The following PLCB1 variants were observed in gnomAD, a reference collection of about 807,000 sequenced individuals.
The protein encoded by PLCB1 is phospholipase C beta 1, also known as 1-phosphatidylinositol 4,5-bisphosphate phosphodiesterase beta-1.
PLCB1 carries 46 observed loss-of-function variants against 161.8 expected under a neutral mutation model. That is an observed-to-expected ratio of 0.28 (90% confidence interval 0.22 to 0.36). PLCB1 has a LOEUF of 0.36. Ranked by LOEUF, PLCB1 falls within the 10% of genes least tolerant of loss-of-function variation. PLCB1 has a pLI of 1.00. For synonymous variants in PLCB1, 517 were observed against 503.7 expected (o/e 1.03, Z -0.35); for missense variants, 1,016 against 1,472.5 (o/e 0.69, Z 5.07).
At chr20:8,678,917 G>T (rs1262749163) in intron 9 of PLCB1, among the ~76,000 whole-genome samples, 5 of 152,274 alleles carry the variant, frequency 3.3e-5, no homozygotes, top group African/African-American at 1.2e-4. Flanking sequence ...GATTGCATGG[G>T]CTGCAACTCC....
intron 3 of PLCB1, among the ~76,000 whole-genome samples, chr20:8,608,502 A>C (rs1045459508): frequency 6.6e-6 from 1 of 152,218 alleles, no homozygotes; most frequent in Non-Finnish European, 1.5e-5. Context: ...TTATCATGTA[A>C]CGTCCCATTC....
chr20:8,882,015 C>T lies in PLCB1; in HGVS notation c.*166C>T. 1 of 603,192 alleles carries T rather than the reference C, an allele frequency of 1.7e-6. No homozygotes were observed. The highest frequency in any genetic ancestry group is 2.9e-6 in the Non-Finnish European group (1 of 340,488). The allele number at this position is 603,192 out of a possible 1,614,324, so 37.4% of individuals were successfully genotyped here. A position where few individuals can be genotyped will look rare whatever the true frequency, so the allele number is the denominator to read the frequency against. On this transcript the variant is annotated 3_prime_UTR_variant, in exon 32 of 32. Transcript: ENST00000338037. ...AGGAATCCATGAAGAATTCCCATGC[C>T]CAGGCTCCATGTGTCATGTGGAAAC...
At chr20:8,841,194 AT>A (rs1489969753) in intron 31 of PLCB1, among the ~76,000 whole-genome samples, 2 of 152,300 alleles carry the variant, frequency 1.3e-5, no homozygotes, top group African/African-American at 4.8e-5. Context: ...TTTAAAAAAA[AT>A]AAGTCATCAC....
At chr20:8,411,948 A>T (rs1035694862) in intron 3 of PLCB1, among the ~76,000 whole-genome samples, 9 of 152,084 alleles carry the variant, frequency 5.9e-5, no homozygotes, top group Non-Finnish European at 1.2e-4. Flanking sequence ...GCTTGAGCCC[A>T]GGAGGCAGAG....
chr20:8,320,105 TC>T (rs1984843229), intron 2 of PLCB1, among the ~76,000 whole-genome samples: 4 of 152,100 alleles, frequency 2.6e-5, no homozygotes, highest in Admixed American at 2.6e-4. Context: ...TGCCTAGATA[TC>T]CCAGGATTTA....
chr20:8,547,238 A>C (rs6086493), intron 3 of PLCB1, among the ~76,000 whole-genome samples: 54,208 of 152,100 alleles, frequency 0.36, 9,868 homozygotes, highest in Middle Eastern at 0.4. Flanking sequence ...GGCTCGCTCT[A>C]ATGTTCACTG....
At chr20:8,797,721 G>T (rs1277830311) in intron 31 of PLCB1, among the ~76,000 whole-genome samples, 1 of 152,326 alleles carries the variant, frequency 6.6e-6, no homozygotes, top group East Asian at 1.9e-4. Context: ...GAAAGCCTCA[G>T]CTCTTGACTG....
intron 31 of PLCB1, among the ~76,000 whole-genome samples, chr20:8,810,180 C>T (rs1257980384): frequency 1.3e-5 from 2 of 152,118 alleles, no homozygotes; most frequent in East Asian, 1.9e-4. Context: ...AATGTAATAC[C>T]ATCTGGCAGA....
In PLCB1 at chr20:8,881,701, C is replaced by A. The variant is rs1447682419; in HGVS notation, c.3503C>A (p.Ala1168Asp). ...GAGATTTTGGAATTCGTGCAGGAAG[C>A]CATGAAAGGAAAGATCAGTGAAGAC... ...PLEILEFVQE[A>D]MKGKISEDSN... The change falls in exon 32 of 32, where the codon GCC becomes GAC. Residue 1168 changes from alanine (A) to aspartate (D), a missense_variant. Physicochemically the swap from Ala to Asp is moderately radical, Grantham distance 126. Coordinates refer to ENST00000338037, the MANE Select transcript of PLCB1 (RefSeq NM_015192.4). 18 of 1,613,876 alleles carry A rather than the reference C, an allele frequency of 1.1e-5. No homozygotes were observed. Among genetic ancestry groups the A allele is most frequent in the Non-Finnish European group, 1.4e-5 (17 of 1,179,960 alleles).
chr20:8,328,232 A>G (rs1985231617), intron 2 of PLCB1, among the ~76,000 whole-genome samples: 1 of 152,122 alleles, frequency 6.6e-6, no homozygotes, highest in Non-Finnish European at 1.5e-5. Context: ...CAACCTGTAC[A>G]TGATAACATG....
At chr20:8,462,766 C>A (rs189312855) in intron 3 of PLCB1, among the ~76,000 whole-genome samples, 2 of 148,288 alleles carry the variant, frequency 1.3e-5, no homozygotes, top group African/African-American at 5.0e-5. Flanking sequence ...GGCTGTCTCA[C>A]CACCTAAGCT....
chr20:8,449,481 C>G (rs896692692), intron 3 of PLCB1, among the ~76,000 whole-genome samples: 1 of 152,164 alleles, frequency 6.6e-6, no homozygotes, highest in Non-Finnish European at 1.5e-5. Flanking sequence ...ATCTGAAAGA[C>G]CGTTCAGCAG....
At position 8,727,328 on chromosome 20, in the gene PLCB1, A is replaced by G. The variant is rs774696079; in HGVS notation, c.1698A>G (p.Glu566=). Reference sequence around the variant, plus strand: ...ACTCAGAAAGAAATAAAAGTTTTGAAATGTCTTCCTTCGTGGAAACCAAAG... The same window carrying G: ...ACTCAGAAAGAAATAAAAGTTTTGAGATGTCTTCCTTCGTGGAAACCAAAG... ...EISKKRNKSF[E]MSSFVETKGL... Residue 566 remains glutamate (E), a synonymous_variant, in exon 17 of 32, where the codon GAA becomes GAG. Coordinates refer to ENST00000338037, the MANE Select transcript of PLCB1 (RefSeq NM_015192.4). The G allele has an allele frequency of 1.9e-6, 3 of 1,599,264 alleles. No individual in the cohort carries two copies. In the Admixed American group the frequency reaches 5.1e-5, roughly 27 times the overall value.
chr20:8,381,730 T>C (rs1987259568), intron 3 of PLCB1, among the ~76,000 whole-genome samples: 1 of 152,230 alleles, frequency 6.6e-6, no homozygotes, highest in Non-Finnish European at 1.5e-5. Context: ...TTTATTCGCA[T>C]AGAGGTGTTT....
chr20:8,537,116 G>A (rs914319092), intron 3 of PLCB1, among the ~76,000 whole-genome samples: 1 of 152,104 alleles, frequency 6.6e-6, no homozygotes, highest in Non-Finnish European at 1.5e-5. Context: ...TTTGACTGAG[G>A]GGCATAAGGC....
chr20:8,865,457 C>T (rs945204244), intron 31 of PLCB1, among the ~76,000 whole-genome samples: 10 of 152,306 alleles, frequency 6.6e-5, no homozygotes, highest in African/African-American at 2.4e-4. Flanking sequence ...CAAAATAAAT[C>T]ATGCAACACA....
intron 2 of PLCB1, among the ~76,000 whole-genome samples, chr20:8,308,398 C>T (rs1273580124): frequency 6.6e-6 from 1 of 151,848 alleles, no homozygotes; most frequent in African/African-American, 2.4e-5. Context: ...GAGCGGATCA[C>T]CTGAGGTCAG....
intron 3 of PLCB1, among the ~76,000 whole-genome samples, chr20:8,436,292 C>T (rs771937): frequency 0.4 from 59,539 of 149,242 alleles, 12,115 homozygotes; most frequent in South Asian, 0.48. Flanking sequence ...ATCGCGCCAC[C>T]GAACTCCAGT....
At chr20:8,395,001 A>T (rs1190814241) in intron 3 of PLCB1, among the ~76,000 whole-genome samples, 2 of 152,166 alleles carry the variant, frequency 1.3e-5, no homozygotes, top group East Asian at 3.8e-4. Flanking sequence ...TTTAGCAAAC[A>T]CAATTTTTCT....
Sources: gnomAD v4.1 joint callset for allele counts (sites outside exome capture counted in the v4.1 genomes callset) on GRCh38, gnomAD v4.1.1 for gene constraint, MANE v1.5 for transcripts, NCBI Gene and HGNC (gene_info 2026-07-23, HGNC 2026-07-21) for gene names.